PDGFRB: variants seen among roughly 807,000 people sequenced by gnomAD.
The protein encoded by PDGFRB is platelet-derived growth factor receptor beta.
PDGFRB carries 42 observed loss-of-function variants against 120.2 expected under a neutral mutation model. The ratio of observed to expected loss-of-function variants is 0.35; its 90% CI spans 0.27 to 0.45. PDGFRB has a LOEUF of 0.45. Ranked by LOEUF, PDGFRB falls within the 20% of genes least tolerant of loss-of-function variation. The pLI is 1.00. For synonymous variants in PDGFRB, 586 were observed against 606.8 expected, an observed-to-expected ratio of 0.97 and a Z score of 0.50; for missense variants, 1,149 against 1,476.3, an observed-to-expected ratio of 0.78 and a Z score of 3.63.
In PDGFRB at chr5:150,133,632, A is replaced by G. The variant is rs753677621; in HGVS notation, c.888T>C (p.Ser296=). The G allele has an allele frequency of 1.9e-6, 3 of 1,613,780 alleles. No individual in the cohort carries two copies. Residue 296 remains serine, a synonymous_variant, in exon 6 of 23, where the codon AGT becomes AGC. Transcript: ENST00000261799. ...CCTTTTCATCCTGATGGTCATTCAC[A>G]CTCTCCGTCACATTGCAGGTGTAGG... ...SGTYTCNVTE[S]VNDHQDEKAI...
chr5:150,131,545 T>C (rs1037162012), intron 8 of PDGFRB, among the ~76,000 whole-genome samples: 2 of 152,220 alleles, frequency 1.3e-5, no homozygotes, highest in African/African-American at 4.8e-5. Flanking sequence ...TTCTAACCTA[T>C]GTAATTTGCT....
intron 11 of PDGFRB, among the ~76,000 whole-genome samples, 196 bp downstream of exon 11, chr5:150,126,324 G>A (rs927542098): frequency 3.5e-4 from 53 of 152,076 alleles, no homozygotes; most frequent in African/African-American, 1.2e-3. Context: ...TGGATAGCTC[G>A]GGCCAGGCTC....
intron 1 of PDGFRB, among the ~76,000 whole-genome samples, chr5:150,141,690 G>T (rs1760788858): frequency 6.6e-6 from 1 of 152,208 alleles, no homozygotes; most frequent in Non-Finnish European, 1.5e-5. Context: ...ACTTAATATT[G>T]AGGGGCTGGA....
chr5:150,117,670 T>G lies in PDGFRB; in HGVS notation c.3085A>C (p.Lys1029Gln). Residue 1029 changes from lysine to glutamine, a missense_variant, in exon 22 of 23, where the codon AAA (lysine) becomes CAA (glutamine). Lys to Gln is a moderately conservative substitution (Grantham distance 53). Coordinates refer to ENST00000261799, the MANE Select transcript of PDGFRB (RefSeq NM_002609.4). ...NDYIIPLPDP[K>Q]PEVADEGPLE... The stretch of plus-strand genomic sequence containing the variant: ...GGGCCCTCGTCAGCAACCTCGGGTT[T>G]GGGGTCAGGCAGGGGGATGATATAG... 6.2e-7 allele frequency: 1 copy of G among 1,613,722 alleles called. No homozygotes were observed. Among genetic ancestry groups the G allele is most frequent in the East Asian group, 2.2e-5 (1 of 44,830 alleles).
intron 1 of PDGFRB, 32 bp downstream of exon 1, chr5:150,155,365 G>T: frequency 2.6e-6 from 1 of 386,280 alleles, no homozygotes; most frequent in Non-Finnish European, 4.5e-6. Context: ...ACAGGGCATG[G>T]GGCTGGGGTT....
chr5:150,117,966 A>G (rs1447286669), intron 21 of PDGFRB, 116 bp from the exon 22 acceptor site: 2 of 643,768 alleles, frequency 3.1e-6, no homozygotes, highest in Non-Finnish European at 5.6e-6. Flanking sequence ...CGCTGCTCAG[A>G]GGGGAAAGGG....
chr5:150,116,596 C>T (rs940039490), intron 22 of PDGFRB, among the ~76,000 whole-genome samples: 10 of 150,304 alleles, frequency 6.7e-5, no homozygotes, highest in East Asian at 2.0e-4. Flanking sequence ...GCAACAAGAG[C>T]GAAACTCCAT....
intron 13 of PDGFRB, 161 bp from the exon 14 acceptor site, chr5:150,124,521 G>A (rs987390694): frequency 6.3e-6 from 4 of 638,062 alleles, no homozygotes; most frequent in Non-Finnish European, 1.1e-5. Context: ...AAGAGGCCAG[G>A]GTAGGGGGAA....
At chr5:150,134,124 T>C in intron 4 of PDGFRB, 116 bp from the exon 5 acceptor site, 1 of 924,786 alleles carries the variant, frequency 1.1e-6, no homozygotes, top group Non-Finnish European at 1.7e-6. Context: ...AGAAGATTCA[T>C]TCATTCAACA....
rs2113889162 is a variant in PDGFRB at position 150,121,078 on chromosome 5, G to A, written c.2464-68C>T. 1 of 1,564,944 alleles carries A rather than the reference G, an allele frequency of 6.4e-7. No individual in the cohort carries two copies. The highest frequency in any genetic ancestry group is 8.8e-7 in the Non-Finnish European group (1 of 1,135,632). ...TGGGGAAAGACCCTTCATGTCAAGG[G>A]CTTTGGGAAAATACAACACTGCCCA... On this transcript the variant is annotated intron_variant, in intron 17 of 22. Transcript: ENST00000261799. The surrounding 1 kb of genome is among the most constrained non-coding windows in gnomAD (Gnocchi z 4.1).
At chr5:150,138,777 C>A (rs540711837) in intron 1 of PDGFRB, among the ~76,000 whole-genome samples, 1 of 152,356 alleles carries the variant, frequency 6.6e-6, no homozygotes, top group South Asian at 2.1e-4. Context: ...GCCCATCTGC[C>A]CCTCCGTCGG....
At chr5:150,125,598 A>C in intron 11 of PDGFRB, 21 bp from the exon 12 acceptor site, 2 of 1,613,120 alleles carry the variant, frequency 1.2e-6, no homozygotes, top group Non-Finnish European at 1.7e-6. Flanking sequence ...AACCCCAGGA[A>C]TTAGTTATCA....
rs1414989551 is a variant in PDGFRB at position 150,115,617 on chromosome 5, A to G, written c.*146T>C. On this transcript the variant is annotated 3_prime_UTR_variant, in exon 23 of 23. Coordinates refer to ENST00000261799, the MANE Select transcript of PDGFRB (RefSeq NM_002609.4). ...CTAAGCCAGCCCCAGGGTTTGGGGC[A>G]CAACACGTCAGGAGCAGAAAGCTTC... 1.4e-6 allele frequency: 1 copy of G among 711,258 alleles called. No homozygotes were observed. Among genetic ancestry groups the G allele is most frequent in the Non-Finnish European group, 2.1e-6 (1 of 469,770 alleles). The allele number at this position is 711,258 out of a possible 1,614,324, so 44.1% of individuals were successfully genotyped here. A position where few individuals can be genotyped will look rare whatever the true frequency, so the allele number is the denominator to read the frequency against.
At position 150,114,135 on chromosome 5, in the gene PDGFRB, C is replaced by G. The variant is rs751212863; in HGVS notation, c.*1628G>C. ...CACCCCCTTCCCAACCCTCCCCGTG[C>G]GGGGGCGTCTTGGCTACAACCCTGA... On this transcript the variant is annotated 3_prime_UTR_variant, in exon 23 of 23. Coordinates refer to ENST00000261799, the MANE Select transcript of PDGFRB (RefSeq NM_002609.4). 2 of 233,354 alleles carry G rather than the reference C, an allele frequency of 8.6e-6. No individual in the cohort carries two copies. The highest frequency in any genetic ancestry group is 4.4e-5 in the African/African-American group (2 of 45,458). 14.5% of individuals were successfully genotyped at this position (233,354 alleles called of 1,614,324 possible).
rs758072563 is a variant in PDGFRB, at chr5:150,129,894, G to A, written c.1442C>T (p.Thr481Met). 15 of 1,614,004 alleles carry A rather than the reference G, an allele frequency of 9.3e-6. No individual in the cohort carries two copies. Among genetic ancestry groups the A allele is most frequent in the East Asian group, 2.2e-5 (1 of 44,896 alleles). Residue 481 changes from threonine (T) to methionine (M), a missense_variant, in exon 10 of 23, where the codon ACG becomes ATG. Thr to Met is a moderately conservative substitution (Grantham distance 81). Transcript: ENST00000261799. ...EEESQLETNV[T>M]YWEEEQEFEV... ...AAACTCCTGCTCCTCCTCCCAGTAC[G>A]TCACGTTAGTCTCCAGCTGGCTCTC...
intron 2 of PDGFRB, among the ~76,000 whole-genome samples, chr5:150,136,250 C>T (rs1760628179): frequency 6.6e-6 from 1 of 152,230 alleles, no homozygotes; most frequent in Admixed American, 6.5e-5. Context: ...CTCTCTGCCC[C>T]CTCCCCCGAC....
At chr5:150,143,759 G>A (rs990818981) in intron 1 of PDGFRB, among the ~76,000 whole-genome samples, 3 of 152,062 alleles carry the variant, frequency 2.0e-5, no homozygotes, top group Non-Finnish European at 4.4e-5. Flanking sequence ...GTGGAGGGGA[G>A]AAACTGGGGA....
intron 6 of PDGFRB, among the ~76,000 whole-genome samples, 152 bp downstream of exon 6, chr5:150,133,432 CTA>C (rs1373575647): frequency 2.0e-5 from 3 of 152,152 alleles, no homozygotes; most frequent in Non-Finnish European, 4.4e-5. Context: ...GTGTGGCTGA[CTA>C]TACCCCGGGG....
chr5:150,122,955 C>A, intron 15 of PDGFRB, 87 bp downstream of exon 15: 3 of 1,229,744 alleles, frequency 2.4e-6, no homozygotes, highest in Non-Finnish European at 3.5e-6. Context: ...GTCACAGCCT[C>A]AGCTTCCCCT....
Sources: allele counts gnomAD v4.1 joint callset (sites outside exome capture counted in the v4.1 genomes callset), GRCh38; gene constraint gnomAD v4.1.1; non-coding constraint Gnocchi (gnomAD v3.1); transcripts MANE v1.5; gene names NCBI Gene and HGNC (gene_info 2026-07-23, HGNC 2026-07-21).